SCN9A: variants seen among roughly 807,000 people sequenced by gnomAD.
SCN9A encodes the protein sodium channel protein type 9 subunit alpha.
A neutral mutation model predicts 187.0 loss-of-function variants in SCN9A; 131 were observed. That is an observed-to-expected ratio of 0.70 (90% CI 0.61 to 0.81). The LOEUF (loss-of-function observed/expected upper bound fraction) is 0.81, where lower values mean the gene tolerates loss of function less well. Ranked by LOEUF, SCN9A falls within the 30% of genes least tolerant of loss-of-function variation. The pLI, the probability that SCN9A is intolerant of heterozygous loss-of-function variation, is 0.00. For synonymous variants in SCN9A, 809 were observed against 808.6 expected, an observed-to-expected ratio of 1.00 and a Z score of -0.01; for missense variants, 2,252 against 2,396.6, an observed-to-expected ratio of 0.94 and a Z score of 1.26.
At chr2:166,264,769 G>A (rs1696660281) in intron 17 of SCN9A, among the ~76,000 whole-genome samples, 1 of 151,886 alleles carries the variant, frequency 6.6e-6, no homozygotes, top group African/African-American at 2.4e-5. Flanking sequence ...AGAAGAGAGG[G>A]AGAGATATCA....
At chr2:166,362,402 C>CTGT (rs1047064168) in intron 1 of SCN9A, among the ~76,000 whole-genome samples, 3 of 151,908 alleles carry the variant, frequency 2.0e-5, no homozygotes, top group African/African-American at 4.8e-5. Flanking sequence ...CATTCTCTTT[C>CTGT]TGTTGTTGTT....
chr2:166,205,637 G>A (rs1693762195), intron 24 of SCN9A, among the ~76,000 whole-genome samples: 1 of 152,092 alleles, frequency 6.6e-6, no homozygotes, highest in Non-Finnish European at 1.5e-5. Context: ...AAAAGCAATG[G>A]CAACAAAAGC....
Position 166,277,264 on chromosome 2 carries a change from C to A in SCN9A, c.2593G>T (p.Ala865Ser). 1 of 1,614,048 alleles carries A rather than the reference C, an allele frequency of 6.2e-7. No homozygotes were observed. The change falls in exon 16 of 27, where the codon GCT (alanine) becomes TCT (serine). Residue 865 changes from alanine to serine, a missense_variant. By Grantham distance (99) the Ala-to-Ser change is moderately conservative. Transcript: ENST00000642356. Reference sequence around the variant, plus strand: ...AACACTAAGGTGAGGTTACCTAGAGCCCCTACTGAGTTACCAATGATCTTA... The same window carrying A: ...AACACTAAGGTGAGGTTACCTAGAGACCCTACTGAGTTACCAATGATCTTA... ...LIKIIGNSVGALGNLTLVLAI... is the reference protein window; with the variant it reads ...LIKIIGNSVGSLGNLTLVLAI...
chr2:166,318,913 A>T (rs1352507890), intron 1 of SCN9A, among the ~76,000 whole-genome samples: 1 of 152,202 alleles, frequency 6.6e-6, no homozygotes, highest in East Asian at 1.9e-4. Context: ...GATACAGAAT[A>T]ATCCATGTTG....
intron 25 of SCN9A, 66 bp downstream of exon 25, chr2:166,204,294 G>T: frequency 6.4e-7 from 1 of 1,554,370 alleles, no homozygotes; most frequent in Non-Finnish European, 8.8e-7. Flanking sequence ...AATTAAAGAT[G>T]TGCATTAAAA....
chr2:166,320,078 A>G (rs530979178), intron 1 of SCN9A, among the ~76,000 whole-genome samples: 6 of 152,280 alleles, frequency 3.9e-5, no homozygotes, highest in South Asian at 2.1e-4. Context: ...AAAACATTAC[A>G]TAAGTTGATG....
chr2:166,235,007 A>G (rs1417907569), intron 20 of SCN9A, among the ~76,000 whole-genome samples: 3 of 152,134 alleles, frequency 2.0e-5, no homozygotes, highest in East Asian at 3.9e-4. Context: ...ATGTGATGCC[A>G]TGAGCTGCCT....
intron 17 of SCN9A, among the ~76,000 whole-genome samples, chr2:166,271,225 C>A (rs1488579005): frequency 6.6e-6 from 1 of 151,970 alleles, no homozygotes; most frequent in Non-Finnish European, 1.5e-5. Flanking sequence ...GGACTACATC[C>A]ATTTGGGGAG....
chr2:166,325,092 T>A (rs1012475123), intron 1 of SCN9A, among the ~76,000 whole-genome samples: 2 of 152,064 alleles, frequency 1.3e-5, no homozygotes, highest in Non-Finnish European at 2.9e-5. Context: ...ATCTGCACCA[T>A]TTTTCCATAA....
intron 9 of SCN9A, among the ~76,000 whole-genome samples, chr2:166,290,416 C>T (rs998821673): frequency 4.6e-5 from 7 of 152,104 alleles, no homozygotes; most frequent in Non-Finnish European, 7.4e-5. Context: ...GATTTATATT[C>T]GTTTCGGTAT....
chr2:166,343,338 G>A (rs1699828688), intron 1 of SCN9A, among the ~76,000 whole-genome samples: 2 of 151,844 alleles, frequency 1.3e-5, no homozygotes, highest in South Asian at 2.1e-4. Context: ...AGGAATGCTT[G>A]TATTTTCAAA....
At chr2:166,281,631 G>T in intron 13 of SCN9A, 48 bp downstream of exon 13, 1 of 1,555,468 alleles carries the variant, frequency 6.4e-7, no homozygotes. Flanking sequence ...CCAGATTTAT[G>T]TTAATTTTAT....
chr2:166,212,932 GAAAC>G (rs1209675876), intron 24 of SCN9A, among the ~76,000 whole-genome samples: 9 of 152,008 alleles, frequency 5.9e-5, no homozygotes, highest in Non-Finnish European at 1.0e-4. Flanking sequence ...AAAGTATCTT[GAAAC>G]AAACAAAAAT....
Position 166,284,526 on chromosome 2 carries a change from C to T in SCN9A, c.1901G>A (p.Arg634His), listed in dbSNP as rs774510851. The T allele has an allele frequency of 1.5e-5, 25 of 1,613,940 alleles. No homozygotes were observed. The highest frequency in any genetic ancestry group is 1.6e-4 in the Middle Eastern group (1 of 6,084). The change falls in exon 12 of 27, where the codon CGC (arginine) becomes CAC (histidine). Residue 634 changes from arginine to histidine, a missense_variant. Arg to His is a conservative substitution (Grantham distance 29, BLOSUM62 0). Around this residue, in one of 7 missense-constraint regions of SCN9A, gnomAD observed 1,013 missense variants for 997.4 expected, o/e 1.02. Transcript: ENST00000642356. ...CNGVVSLVDG[R>H]SALMLPNGQL... is the part of the protein sequence containing the mutation. The stretch of plus-strand genomic sequence containing the variant: ...TCCATTGGGGAGCATGAGGGCTGAG[C>T]GTCCATCAACCAGGGAGACCACACC...
rs368061706 is a variant in SCN9A at position 166,363,760 on chromosome 2, T to C, written c.-51+11937A>G. 6.6e-5 allele frequency among the ~76,000 whole-genome samples: 10 copies of C among 151,932 alleles called. No individual in the cohort carries two copies. In the East Asian group the frequency reaches 1.5e-3, roughly 24 times the overall value. ...ACTGTAAATTTCTAAGAAAATATCA[T>C]AGGGAAAAATCTTCGAGACATTAGA... On this transcript the variant is annotated intron_variant, in intron 1 of 26. Transcript: ENST00000642356.
intron 18 of SCN9A, chr2:166,249,233 C>T (rs1695929550): frequency 6.6e-6 from 1 of 152,112 alleles, no homozygotes; most frequent in African/African-American, 2.4e-5. Flanking sequence ...TCTTCCCCCT[C>T]ACTCTTGGTA....
chr2:166,275,662 T>G (rs1398759001), intron 16 of SCN9A, among the ~76,000 whole-genome samples: 2 of 151,872 alleles, frequency 1.3e-5, no homozygotes, highest in South Asian at 2.1e-4. Flanking sequence ...ACAAAGAGAA[T>G]GTGCATTTCA....
intron 20 of SCN9A, among the ~76,000 whole-genome samples, chr2:166,234,988 C>A (rs563882073): frequency 3.9e-4 from 60 of 152,074 alleles, no homozygotes; most frequent in Non-Finnish European, 7.2e-4. Flanking sequence ...TCAGTGAACA[C>A]CCCTCGCCAT....
At chr2:166,265,454 A>T (rs73021676) in intron 17 of SCN9A, among the ~76,000 whole-genome samples, 1,910 of 151,950 alleles carry the variant, frequency 0.013, 45 homozygotes, top group African/African-American at 0.043. Context: ...TTTATTTACG[A>T]TCATTTAGGT....
Sources: allele counts gnomAD v4.1 joint callset (sites outside exome capture counted in the v4.1 genomes callset), GRCh38; gene constraint gnomAD v4.1.1; regional missense constraint gnomAD v4.1.1; transcripts MANE v1.5; gene names NCBI Gene and HGNC (gene_info 2026-07-23, HGNC 2026-07-21).